Variants in SMPD4 observed in about 807,000 individuals in gnomAD.
The protein encoded by SMPD4 is neutral sphingomyelinase 3.
SMPD4 carries 58 observed loss-of-function variants against 97.8 expected under a neutral mutation model. The ratio of observed to expected loss-of-function variants is 0.59; its 90% CI spans 0.48 to 0.74. The LOEUF is 0.74. Among genes scored for constraint, SMPD4 ranks in the 30% least tolerant of loss-of-function variants. SMPD4 has a pLI of 0.00. For synonymous variants in SMPD4, 388 were observed against 450.0 expected, an observed-to-expected ratio of 0.86 and a Z score of 1.74; for missense variants, 853 against 1,080.5, an observed-to-expected ratio of 0.79 and a Z score of 2.95.
rs553782135 is a variant in SMPD4, at chr2:130,156,175, G to A, written c.1189-40C>T. On this transcript the variant is annotated intron_variant, in intron 13 of 19. Coordinates refer to ENST00000680298, the MANE Select transcript of SMPD4 (RefSeq NM_017951.5). ...TGTGCTAAGGGCTCCGTGGCTGGGGGCCAAATACTCGGTGGCCTGGAGCCC... is the reference window on the plus strand; with the variant it reads ...TGTGCTAAGGGCTCCGTGGCTGGGGACCAAATACTCGGTGGCCTGGAGCCC... 30 of 1,559,658 alleles carry A rather than the reference G, an allele frequency of 1.9e-5. No homozygotes were observed. The East Asian group carries it at 4.3e-4, about 22-fold the overall frequency.
chr2:130,173,186 G>C lies in SMPD4; in HGVS notation c.345+93C>G. On this transcript the variant is annotated intron_variant, in intron 5 of 19. Coordinates refer to ENST00000680298, the MANE Select transcript of SMPD4 (RefSeq NM_017951.5). ...CCTGGAACGAATCGCTCCTCAATTT[G>C]CCCTCAGAGGACTGGAGGAGATTGC... is the stretch of plus-strand genomic sequence containing the variant. 3.2e-6 allele frequency: 4 copies of C among 1,234,300 alleles called. No homozygotes were observed. In the South Asian group the frequency reaches 5.1e-5, roughly 16 times the overall value. 76.5% of individuals were successfully genotyped at this position (1,234,300 alleles called of 1,614,324 possible).
intron 14 of SMPD4, 98 bp downstream of exon 14, chr2:130,155,937 C>T (rs1253079012): frequency 7.8e-7 from 1 of 1,278,590 alleles, no homozygotes; most frequent in African/African-American, 1.5e-5. Context: ...CAGGGCCAGG[C>T]TGACCCCAGC....
chr2:130,166,053 G>A (rs1197657783), intron 9 of SMPD4, among the ~76,000 whole-genome samples: 3 of 151,996 alleles, frequency 2.0e-5, no homozygotes, highest in African/African-American at 7.2e-5. Flanking sequence ...CGGGCACGGT[G>A]GCTCACGCCT....
chr2:130,169,010 C>A (rs997882225), intron 8 of SMPD4, among the ~76,000 whole-genome samples: 3 of 152,166 alleles, frequency 2.0e-5, no homozygotes, highest in African/African-American at 4.8e-5. Flanking sequence ...CATGAGCCAC[C>A]ATGCCCAGCC....
chr2:130,162,209 G>C (rs577577030), intron 10 of SMPD4, among the ~76,000 whole-genome samples: 2 of 152,386 alleles, frequency 1.3e-5, no homozygotes, highest in South Asian at 4.1e-4. Flanking sequence ...GCAGGAACCT[G>C]AGGCTGAGCT....
At chr2:130,171,832 C>T (rs1173451393) in intron 8 of SMPD4, among the ~76,000 whole-genome samples, 4 of 152,188 alleles carry the variant, frequency 2.6e-5, no homozygotes, top group African/African-American at 9.6e-5. Context: ...GGGAAGTCGG[C>T]CTGCGTTAGT....
In SMPD4 at chr2:130,181,545, C is replaced by T; in HGVS notation, c.-61G>A. On this transcript the variant is annotated 5_prime_UTR_variant, in exon 1 of 20. Coordinates refer to ENST00000680298, the MANE Select transcript of SMPD4 (RefSeq NM_017951.5). ...CGCCACTCACCTGTGGGATCCATAG[C>T]GTCGCTCGCCTCAGAGATGGAAGCC... The T allele has an allele frequency of 1.2e-6, 2 of 1,605,458 alleles. No individual in the cohort carries two copies. The highest frequency in any genetic ancestry group is 2.2e-5 in the East Asian group (1 of 44,498).
At position 130,155,129 on chromosome 2, in the gene SMPD4, C is replaced by A. The variant is rs776899948; in HGVS notation, c.1420G>T (p.Ala474Ser). 6.2e-7 allele frequency: 1 copy of A among 1,614,190 alleles called. No homozygotes were observed. The highest frequency in any genetic ancestry group is 8.5e-7 in the Non-Finnish European group (1 of 1,180,044). ...LMVFRVAKVF[A>S]QPNLAEMIQK... ...ATCATCTCAGCCAGGTTGGGCTGGG[C>A]AAAGACTTTGGCCACTCGGAACACC... Residue 474 changes from alanine to serine, a missense_variant, in exon 15 of 20, where the codon GCC becomes TCC. Ala to Ser is a moderately conservative substitution (Grantham distance 99). Coordinates refer to ENST00000680298, the MANE Select transcript of SMPD4 (RefSeq NM_017951.5).
At chr2:130,174,235 G>A (rs1688760899) in intron 3 of SMPD4, among the ~76,000 whole-genome samples, 2 of 152,258 alleles carry the variant, frequency 1.3e-5, no homozygotes, top group Non-Finnish European at 1.5e-5. Flanking sequence ...TGCCTAGGCT[G>A]GTTTTGAGCT....
intron 11 of SMPD4, among the ~76,000 whole-genome samples, chr2:130,160,263 G>A (rs764446316): frequency 6.6e-5 from 10 of 152,182 alleles, no homozygotes; most frequent in East Asian, 5.8e-4. Context: ...TGGCTCCTGC[G>A]GAATGAGGTG....
chr2:130,163,155 G>A (rs542868911), intron 10 of SMPD4, among the ~76,000 whole-genome samples: 3 of 152,352 alleles, frequency 2.0e-5, no homozygotes, highest in Non-Finnish European at 2.9e-5. Context: ...GCCACGCCAC[G>A]CCACATGCAC....
chr2:130,155,212 A>T lies in SMPD4; in HGVS notation c.1337T>A (p.Val446Glu). The T allele has an allele frequency of 6.2e-7, 1 of 1,614,184 alleles. No homozygotes were observed. The highest frequency in any genetic ancestry group is 8.5e-7 in the Non-Finnish European group (1 of 1,180,030). Residue 446 changes from valine to glutamate, a missense_variant, in exon 15 of 20, where the codon GTG becomes GAG. Around this residue, in one of 3 missense-constraint regions of SMPD4, gnomAD observed 511 missense variants for 608.1 expected, o/e 0.84. Coordinates refer to ENST00000680298, the MANE Select transcript of SMPD4 (RefSeq NM_017951.5). ...GCGGAGCGCGCGGTTCAGAAAGCCC[A>T]CAAACAACTTGGTGTACATCAGCAG... Reference protein sequence around the residue: ...ENLLMYTKLFVGFLNRALRTD... With the variant: ...ENLLMYTKLFEGFLNRALRTD...
At chr2:130,154,135 CT>C in intron 16 of SMPD4, 141 bp downstream of exon 16, 1 of 1,201,536 alleles carries the variant, frequency 8.3e-7, no homozygotes, top group Non-Finnish European at 1.1e-6. Flanking sequence ...AAAAATTAGA[CT>C]TTACTAAAAC....
In SMPD4 at chr2:130,151,872, G is replaced by A. The variant is rs1048456142; in HGVS notation, c.*683C>T. 4.5e-4 allele frequency: 68 copies of A among 152,462 alleles called. No individual in the cohort carries two copies. The highest frequency in any genetic ancestry group is 4.4e-4 in the Non-Finnish European group (30 of 68,044). 9.4% of individuals were successfully genotyped at this position (152,462 alleles called of 1,614,324 possible). A position where few individuals can be genotyped will look rare whatever the true frequency, so the allele number is the denominator to read the frequency against. On this transcript the variant is annotated 3_prime_UTR_variant, in exon 20 of 20. Coordinates refer to ENST00000680298, the MANE Select transcript of SMPD4 (RefSeq NM_017951.5). The stretch of plus-strand genomic sequence containing the variant: ...CATCTGTGACAAGGCACAGGGGTCC[G>A]CGATGTTGGCCACTGCTTTGGGTGA...
At chr2:130,162,604 T>C (rs34351258) in intron 10 of SMPD4, among the ~76,000 whole-genome samples, 2,154 of 152,196 alleles carry the variant, frequency 0.014, 38 homozygotes, top group African/African-American at 0.045. Flanking sequence ...GGAGCAAGCA[T>C]GCATCCTGGA....
intron 13 of SMPD4, 180 bp from the exon 14 acceptor site, chr2:130,156,315 G>C (rs1185346660): frequency 2.9e-6 from 2 of 687,160 alleles, no homozygotes; most frequent in African/African-American, 3.6e-5. Flanking sequence ...AGAAGCCAGG[G>C]TGGGCTTTTC....
intron 16 of SMPD4, 86 bp from the exon 17 acceptor site, chr2:130,154,021 G>A (rs1369644045): frequency 9.2e-5 from 124 of 1,352,764 alleles, no homozygotes; most frequent in Non-Finnish European, 1.2e-4. Flanking sequence ...CAGCCAGACT[G>A]CTGAGCGTCA....
intron 1 of SMPD4, among the ~76,000 whole-genome samples, chr2:130,178,448 C>T (rs576156805): frequency 3.0e-4 from 46 of 152,232 alleles, no homozygotes; most frequent in African/African-American, 1.0e-3. Context: ...ATGCAATGAA[C>T]GGAGGGGAAG....
Position 130,174,022 on chromosome 2 carries a change from CA to C in SMPD4, c.127-367del, listed in dbSNP as rs1332636543. Among the ~76,000 whole-genome samples the C allele has an allele frequency of 2.0e-5, 3 of 150,400 alleles. No homozygotes were observed. In the East Asian group the frequency reaches 5.9e-4, roughly 30 times the overall value. ...AAAAAATATAAAATAAAAAAATAAA[CA>C]AAATACATATTTATTGAGACAAGGT... On this transcript the variant is annotated intron_variant, in intron 3 of 19. Coordinates refer to ENST00000680298, the MANE Select transcript of SMPD4 (RefSeq NM_017951.5).
Sources: allele counts gnomAD v4.1 joint callset (sites outside exome capture counted in the v4.1 genomes callset), GRCh38; gene constraint gnomAD v4.1.1; regional missense constraint gnomAD v4.1.1; transcripts MANE v1.5; gene names NCBI Gene and HGNC (gene_info 2026-07-23, HGNC 2026-07-21).